Variants in TP53BP1 observed in about 807,000 individuals in gnomAD.
The protein encoded by TP53BP1 is TP53-binding protein 1.
TP53BP1 carries 61 observed loss-of-function variants against 200.8 expected under a neutral mutation model. The observed-to-expected ratio is 0.30, with a 90% confidence interval of 0.25 to 0.38. TP53BP1 has a LOEUF of 0.38. Among genes scored for constraint, TP53BP1 ranks in the 10% least tolerant of loss-of-function variants. The pLI is 1.00. For synonymous variants in TP53BP1, 822 were observed against 844.3 expected, an observed-to-expected ratio of 0.97 and a Z score of 0.46; for missense variants, 2,144 against 2,371.9, an observed-to-expected ratio of 0.90 and a Z score of 2.00.
At position 43,475,677 on chromosome 15, in the gene TP53BP1, A is replaced by G. The variant is rs767183929; in HGVS notation, c.973T>C (p.Ser325Pro). ...CCACCTTCCTCCCTTGAAGGAGTAGAGCAACCATCAGAAGATACTGAAAAA... is the reference window on the plus strand; with the variant it reads ...CCACCTTCCTCCCTTGAAGGAGTAGGGCAACCATCAGAAGATACTGAAAAA... ...SNKTVSSDGC[S>P]TPSREEGGCS... The change falls in exon 9 of 28, where the codon TCT becomes CCT. Residue 325 changes from serine (S) to proline (P), a missense_variant. Physicochemically the swap from Ser to Pro is moderately conservative, Grantham distance 74 (BLOSUM62 -1). Coordinates refer to ENST00000382044, the MANE Select transcript of TP53BP1 (RefSeq NM_001141980.3). The G allele has an allele frequency of 2.5e-6, 4 of 1,613,836 alleles. No individual in the cohort carries two copies. In the Admixed American group the frequency reaches 6.7e-5, roughly 27 times the overall value.
rs755139201 is a variant in TP53BP1 at position 43,413,329 on chromosome 15, C to T, written c.5095G>A (p.Val1699Ile). ...RKSATVKPGA[V>I]GAGEFVSPCE... ...GGGCTCACAAACTCTCCTGCCCCTA[C>T]TGCACCTGGGAAGGACAGGGGCACA... The change falls in exon 24 of 28, where the codon GTA becomes ATA. Residue 1699 changes from valine to isoleucine, a missense_variant. Val to Ile is a conservative substitution (Grantham distance 29, BLOSUM62 3). This residue lies in a region of TP53BP1 where 334 missense variants were observed against 453.4 expected (regional missense o/e 0.74). Coordinates refer to ENST00000382044, the MANE Select transcript of TP53BP1 (RefSeq NM_001141980.3). The T allele has an allele frequency of 1.2e-6, 2 of 1,613,624 alleles. No homozygotes were observed. Among genetic ancestry groups the T allele is most frequent in the South Asian group, 1.1e-5 (1 of 90,988 alleles).
intron 18 of TP53BP1, among the ~76,000 whole-genome samples, chr15:43,426,277 T>C (rs1349488976): frequency 1.3e-5 from 2 of 150,084 alleles, no homozygotes; most frequent in African/African-American, 2.5e-5. Context: ...CCATCTCTAC[T>C]ACAAACACAA....
intron 4 of TP53BP1, among the ~76,000 whole-genome samples, 186 bp downstream of exon 4, chr15:43,491,482 AT>A (rs2079121760): frequency 6.6e-6 from 1 of 152,194 alleles, no homozygotes; most frequent in Non-Finnish European, 1.5e-5. Context: ...TATAAAAATT[AT>A]TACCTTCACA....
Position 43,407,932 on chromosome 15 carries a change from CTT to C in TP53BP1, c.5746+9_5746+10del. The C allele has an allele frequency of 6.2e-7, 1 of 1,608,798 alleles. No homozygotes were observed. The highest frequency in any genetic ancestry group is 2.2e-5 in the East Asian group (1 of 44,860). ...CTGGAACAAAGACACTACACACACT[CTT>C]TCAGGTACCTTTGTTATGGGCACTT... On this transcript the variant is annotated intron_variant, in intron 27 of 27. Transcript: ENST00000382044.
In TP53BP1 at chr15:43,407,338, A is replaced by AATC; in HGVS notation, c.*42_*44dup. On this transcript the variant is annotated 3_prime_UTR_variant, in exon 28 of 28. Coordinates refer to ENST00000382044, the MANE Select transcript of TP53BP1 (RefSeq NM_001141980.3). Reference sequence around the variant, plus strand: ...CACATTTAAAACCTGGTTAAAACACAATCTCCACGATAGCAGGGAATAAAA... The same window carrying AATC: ...CACATTTAAAACCTGGTTAAAACACAATCATCTCCACGATAGCAGGGAATAAAA... The AATC allele has an allele frequency of 6.4e-7, 1 of 1,571,840 alleles. No homozygotes were observed. Among genetic ancestry groups the AATC allele is most frequent in the Non-Finnish European group, 8.7e-7 (1 of 1,146,326 alleles).
chr15:43,426,169 C>T (rs1484972814), intron 18 of TP53BP1, among the ~76,000 whole-genome samples: 3 of 151,850 alleles, frequency 2.0e-5, no homozygotes, highest in Non-Finnish European at 4.4e-5. Flanking sequence ...ACAGGCCGGG[C>T]GCAGTGGCTC....
At chr15:43,414,776 G>A (rs2045222198) in intron 23 of TP53BP1, among the ~76,000 whole-genome samples, 1 of 151,960 alleles carries the variant, frequency 6.6e-6, no homozygotes, top group South Asian at 2.1e-4. Context: ...CGTGATCTCG[G>A]CTCACTGCAA....
Position 43,432,191 on chromosome 15 carries a change from C to T in TP53BP1, c.3675+3G>A. 1 of 1,612,714 alleles carries T rather than the reference C, an allele frequency of 6.2e-7. No homozygotes were observed. The highest frequency in any genetic ancestry group is 8.5e-7 in the Non-Finnish European group (1 of 1,179,178). ...TCTGATGCACCCTAGTATGTTCTCT[C>T]ACCTGGCTATGGAGCGACTCTGTAT... On this transcript the variant is annotated splice_donor_region_variant and intron_variant, in intron 17 of 27. Transcript: ENST00000382044.
At chr15:43,503,163 G>A (rs1457483395) in intron 1 of TP53BP1, among the ~76,000 whole-genome samples, 4 of 152,260 alleles carry the variant, frequency 2.6e-5, no homozygotes, top group Admixed American at 6.5e-5. Context: ...GTGTGTGTGC[G>A]CGCATGCGCG....
At position 43,456,694 on chromosome 15, in the gene TP53BP1, A is replaced by T. The variant is rs747715447; in HGVS notation, c.1914T>A (p.Thr638=). 2.5e-6 allele frequency: 4 copies of T among 1,614,038 alleles called. No individual in the cohort carries two copies. The African/African-American group carries it at 5.3e-5, about 22-fold the overall frequency. Residue 638 remains threonine (T), a synonymous_variant, in exon 12 of 28, where the codon ACT becomes ACA. Coordinates refer to ENST00000382044, the MANE Select transcript of TP53BP1 (RefSeq NM_001141980.3). ...ACACACTAGAAAGTGCCTCAGATCG[A>T]GTAGCTGGTGACGGAACTGCCTGAC... The part of the protein sequence containing the change: ...SGSQAVPSPA[T]RSEALSSVLD...
At chr15:43,442,986 C>T (rs906329650) in intron 14 of TP53BP1, among the ~76,000 whole-genome samples, 2 of 151,150 alleles carry the variant, frequency 1.3e-5, no homozygotes, top group Admixed American at 6.6e-5. Flanking sequence ...CCACCATGTC[C>T]GGCTAATTTT....
At chr15:43,423,853 T>C (rs1283987174) in intron 18 of TP53BP1, among the ~76,000 whole-genome samples, 1 of 152,208 alleles carries the variant, frequency 6.6e-6, no homozygotes, top group Non-Finnish European at 1.5e-5. Context: ...TTTATGCTTC[T>C]TTGGGTTCCT....
intron 4 of TP53BP1, among the ~76,000 whole-genome samples, chr15:43,486,114 C>T (rs192738310): frequency 1.8e-4 from 28 of 151,934 alleles, no homozygotes; most frequent in African/African-American, 6.8e-4. Flanking sequence ...AGGTGCCTCA[C>T]GCCCGTAATC....
At chr15:43,504,377 C>T (rs879866549) in intron 1 of TP53BP1, among the ~76,000 whole-genome samples, 3 of 152,108 alleles carry the variant, frequency 2.0e-5, no homozygotes, top group Non-Finnish European at 4.4e-5. Flanking sequence ...AAAGGTTGTT[C>T]CACTTAATTC....
intron 4 of TP53BP1, among the ~76,000 whole-genome samples, chr15:43,485,237 T>G (rs1019475340): frequency 4.6e-5 from 7 of 152,170 alleles, no homozygotes; most frequent in African/African-American, 1.7e-4. Flanking sequence ...CTGATCACTT[T>G]GTATCCCCAA....
chr15:43,438,243 G>A, intron 16 of TP53BP1, 81 bp downstream of exon 16: 1 of 1,248,292 alleles, frequency 8.0e-7, no homozygotes, highest in Non-Finnish European at 1.2e-6. Context: ...TCAAACCACA[G>A]CACAGTACAT....
chr15:43,430,770 G>C (rs937549419), intron 17 of TP53BP1, among the ~76,000 whole-genome samples: 2 of 152,124 alleles, frequency 1.3e-5, no homozygotes, highest in Non-Finnish European at 2.9e-5. Flanking sequence ...ATCAGGCACA[G>C]AAAGATTAAT....
chr15:43,411,137 TTAATCCCTAATTA>T (rs2045105201), intron 24 of TP53BP1, among the ~76,000 whole-genome samples: 1 of 152,218 alleles, frequency 6.6e-6, no homozygotes, highest in South Asian at 2.1e-4. Context: ...TACTTAGATT[TTAATCCCTAATTA>T]TATTTCCTTA....
chr15:43,427,557 C>T (rs690012), intron 18 of TP53BP1, among the ~76,000 whole-genome samples: 70,540 of 152,120 alleles, frequency 0.46, 21,390 homozygotes, highest in African/African-American at 0.87. Flanking sequence ...GGAAGTCTAA[C>T]TTCTAACCCT....
Sources: gnomAD v4.1 joint callset for allele counts (sites outside exome capture counted in the v4.1 genomes callset) on GRCh38, gnomAD v4.1.1 for gene constraint, gnomAD v4.1.1 regional missense constraint, MANE v1.5 for transcripts, NCBI Gene and HGNC (gene_info 2026-07-23, HGNC 2026-07-21) for gene names.